KHNYN: variants seen among roughly 807,000 people sequenced by gnomAD.
KHNYN encodes the protein KH and NYN domain containing, also known as protein KHNYN.
KHNYN carries 42 observed loss-of-function variants against 62.7 expected under a neutral mutation model. That is an observed-to-expected ratio of 0.67 (90% CI 0.52 to 0.87). The LOEUF (loss-of-function observed/expected upper bound fraction) is 0.87. Among genes scored for constraint, KHNYN ranks in the 40% least tolerant of loss-of-function variants. The probability of loss-of-function intolerance (pLI) is 0.00; values close to 1 mark genes in which losing one functional copy is unlikely to be tolerated. For synonymous variants in KHNYN, 347 were observed against 345.6 expected, an observed-to-expected ratio of 1.00 and a Z score of -0.04; for missense variants, 829 against 874.1, an observed-to-expected ratio of 0.95 and a Z score of 0.65.
chr14:24,430,062 A>G lies in KHNYN; in HGVS notation c.-75A>G. ...TGTCCCCTGGGCTGGGGGCGCGGGC[A>G]AAGCGGGGGCCTGGCGGGCGCTGAG... On this transcript the variant is annotated 5_prime_UTR_variant, in exon 1 of 8. Transcript: ENST00000553935. 1.0e-6 allele frequency: 1 copy of G among 985,202 alleles called. No homozygotes were observed. The highest frequency in any genetic ancestry group is 1.2e-6 in the Non-Finnish European group (1 of 829,890). 61.0% of individuals were successfully genotyped at this position (985,202 alleles called of 1,614,324 possible). A position where few individuals can be genotyped will look rare whatever the true frequency, so the allele number is the denominator to read the frequency against.
chr14:24,440,907 C>A lies in KHNYN; in HGVS notation c.*3622C>A. 6.2e-7 allele frequency: 1 copy of A among 1,614,050 alleles called. No homozygotes were observed. The highest frequency in any genetic ancestry group is 1.1e-5 in the South Asian group (1 of 91,076). On this transcript the variant is annotated 3_prime_UTR_variant, in exon 8 of 8. Coordinates refer to ENST00000553935, the MANE Select transcript of KHNYN (RefSeq NM_015299.3). ...GGCTGTCTTCATCATACTCCGCAGT[C>A]AGACTGGGCTGGTAGTAAGCTGCCG...
chr14:24,441,518 A>G lies in KHNYN; in HGVS notation c.*4233A>G. On this transcript the variant is annotated 3_prime_UTR_variant, in exon 8 of 8. Coordinates refer to ENST00000553935, the MANE Select transcript of KHNYN (RefSeq NM_015299.3). Reference sequence around the variant, plus strand: ...TTCAGGGTCTCAATTTCTTAGTGAAAGTACACAAAGGTTAGGAGAAACATG... The same window carrying G: ...TTCAGGGTCTCAATTTCTTAGTGAAGGTACACAAAGGTTAGGAGAAACATG... The G allele has an allele frequency of 1.6e-6, 1 of 607,896 alleles. No homozygotes were observed. Among genetic ancestry groups the G allele is most frequent in the Non-Finnish European group, 2.7e-6 (1 of 369,500 alleles). 37.7% of individuals were successfully genotyped at this position (607,896 alleles called of 1,614,324 possible).
rs2043091319 is a variant in KHNYN, at chr14:24,430,722, G to A, written c.-9G>A. The A allele has an allele frequency of 3.9e-6, 6 of 1,555,588 alleles. No homozygotes were observed. Among genetic ancestry groups the A allele is most frequent in the South Asian group, 1.2e-5 (1 of 84,498 alleles). On this transcript the variant is annotated 5_prime_UTR_variant, in exon 2 of 8. Transcript: ENST00000553935. The stretch of plus-strand genomic sequence containing the variant: ...GCCTTCTCCCCTTCCAGGGCTGGGG[G>A]CAGCAGCCATGCCTACCTGGGGGGC...
rs1000260818 is a variant in KHNYN, at chr14:24,439,000, G to A, written c.*1715G>A. ...ACTGTACCATACTGACCCAGGCTGG[G>A]GGCAGGTGTGTTGGAGACAGGCTGG... On this transcript the variant is annotated 3_prime_UTR_variant, in exon 8 of 8. Transcript: ENST00000553935. The A allele has an allele frequency of 2.0e-5, 3 of 150,852 alleles. No individual in the cohort carries two copies. The highest frequency in any genetic ancestry group is 5.0e-5 in the African/African-American group (2 of 40,182). The allele number at this position is 150,852 out of a possible 1,614,324, so 9.3% of individuals were successfully genotyped here. A position where few individuals can be genotyped will look rare whatever the true frequency, so the allele number is the denominator to read the frequency against.
chr14:24,437,030 T>A lies in KHNYN; in HGVS notation c.1788-6T>A. ...CATCAGCTCTTTTTGGTCTGTTTCT[T>A]CCCAGGACACAGGGGTCTTCTAAGG... On this transcript the variant is annotated splice_polypyrimidine_tract_variant and splice_region_variant and intron_variant, in intron 7 of 7. Transcript: ENST00000553935. This position sits in a 1 kb window ranked among gnomAD's most constrained non-coding sequence, Gnocchi z 5.5. The A allele has an allele frequency of 6.2e-7, 1 of 1,611,926 alleles. No individual in the cohort carries two copies. The highest frequency in any genetic ancestry group is 8.5e-7 in the Non-Finnish European group (1 of 1,178,358).
upstream of KHNYN, chr14:24,427,629 A>G (rs1449027080): frequency 1.9e-5 from 14 of 722,282 alleles, no homozygotes; most frequent in Admixed American, 3.1e-4. The surrounding 1 kb of genome is among the most constrained non-coding windows in gnomAD (Gnocchi z 4.4). Flanking sequence ...CCACAGCTCT[A>G]CTCTTCTCTT....
Position 24,432,924 on chromosome 14 carries a change from C to CT in KHNYN, c.1481-7dup, listed in dbSNP as rs1566499268. On this transcript the variant is annotated splice_polypyrimidine_tract_variant and intron_variant, in intron 4 of 7. Transcript: ENST00000553935. The surrounding 1 kb of genome is among the most constrained non-coding windows in gnomAD (Gnocchi z 5.6). ...ACTTTGAGGAGAACCCTATTATGTT[C>CT]TTTTTCAATAGAGAGTCACTTCCTG... 6.2e-7 allele frequency: 1 copy of CT among 1,614,028 alleles called. No homozygotes were observed. The highest frequency in any genetic ancestry group is 1.3e-5 in the African/African-American group (1 of 74,922).
chr14:24,431,497 A>G lies in KHNYN; in HGVS notation c.236A>G (p.Gln79Arg). 1 of 1,594,444 alleles carries G rather than the reference A, an allele frequency of 6.3e-7. No individual in the cohort carries two copies. Among genetic ancestry groups the G allele is most frequent in the Non-Finnish European group, 8.6e-7 (1 of 1,165,274 alleles). The change falls in exon 3 of 8, where the codon CAG becomes CGG. Residue 79 changes from glutamine to arginine, a missense_variant. Physicochemically the swap from Gln to Arg is conservative, Grantham distance 43. Coordinates refer to ENST00000553935, the MANE Select transcript of KHNYN (RefSeq NM_015299.3). ...YLKGLCSPEL[Q>R]DEIHYPPKLH... The stretch of plus-strand genomic sequence containing the variant: ...AAGGGCCTCTGCAGCCCAGAACTGC[A>G]GGATGAAATCCACTACCCGCCCAAA...
At chr14:24,429,666 C>CACGCT, upstream of KHNYN, 1 of 1,115,994 alleles carries the variant, frequency 9.0e-7, no homozygotes, top group Non-Finnish European at 1.1e-6. Flanking sequence ...GTGGGCCAGT[C>CACGCT]ACGCTGCCTC....
At chr14:24,434,467 C>G (rs754523447) in intron 5 of KHNYN, 20 of 690,760 alleles carry the variant, frequency 2.9e-5, no homozygotes, top group South Asian at 6.5e-5. Context: ...TGCAGTGGCA[C>G]GATCTCGGCT....
In KHNYN at chr14:24,431,689, G is replaced by T. The variant is rs1340818911; in HGVS notation, c.428G>T (p.Ser143Ile). 1.2e-6 allele frequency: 2 copies of T among 1,614,060 alleles called. No homozygotes were observed. Among genetic ancestry groups the T allele is most frequent in the African/African-American group, 2.7e-5 (2 of 74,938 alleles). The change falls in exon 3 of 8, where the codon AGC becomes ATC. Residue 143 changes from serine (S) to isoleucine (I), a missense_variant. Physicochemically the swap from Ser to Ile is moderately radical, Grantham distance 142. Coordinates refer to ENST00000553935, the MANE Select transcript of KHNYN (RefSeq NM_015299.3). ...SRVEELAERLSWDFTPGPSSG... is the reference protein window; with the variant it reads ...SRVEELAERLIWDFTPGPSSG... Reference sequence around the variant, plus strand: ...GTAGAAGAGCTGGCAGAGCGGCTGAGCTGGGACTTCACGCCAGGACCATCT... The same window carrying T: ...GTAGAAGAGCTGGCAGAGCGGCTGATCTGGGACTTCACGCCAGGACCATCT...
rs1430164574 is a variant in KHNYN, at chr14:24,437,826, A to T, written c.*541A>T. On this transcript the variant is annotated 3_prime_UTR_variant, in exon 8 of 8. Transcript: ENST00000553935. This position sits in a 1 kb window ranked among gnomAD's most constrained non-coding sequence, Gnocchi z 5.5. ...GGAGACTTGGCTTCTGGTCTCAGCTATGCCTGTTTTGTGACCTTGATTGAG... is the reference window on the plus strand; with the variant it reads ...GGAGACTTGGCTTCTGGTCTCAGCTTTGCCTGTTTTGTGACCTTGATTGAG... 2.1e-5 allele frequency: 3 copies of T among 146,086 alleles called. No homozygotes were observed. The highest frequency in any genetic ancestry group is 4.4e-5 in the Non-Finnish European group (3 of 68,004). The allele number at this position is 146,086 out of a possible 1,614,324, so 9.0% of individuals were successfully genotyped here. A position where few individuals can be genotyped will look rare whatever the true frequency, so the allele number is the denominator to read the frequency against.
chr14:24,430,579 A>C lies in KHNYN; in HGVS notation c.-17-135A>C, dbSNP rs138641611. The C allele has an allele frequency of 1.2e-3, 1,790 of 1,439,174 alleles. 16 individuals are homozygous for C. In the African/African-American group the frequency reaches 0.023, roughly 19 times the overall value. 89.2% of individuals were successfully genotyped at this position (1,439,174 alleles called of 1,614,324 possible). On this transcript the variant is annotated intron_variant, in intron 1 of 7. Coordinates refer to ENST00000553935, the MANE Select transcript of KHNYN (RefSeq NM_015299.3). ...CACCCTCCCTACCTCCAGTGGACTC[A>C]GATGCTTGTCACCTCCTGGGGCTGT...
In KHNYN at chr14:24,432,508, T is replaced by A. The variant is rs1331462904; in HGVS notation, c.1247T>A (p.Phe416Tyr). 5.6e-6 allele frequency: 9 copies of A among 1,613,692 alleles called. No individual in the cohort carries two copies. Among genetic ancestry groups the A allele is most frequent in the Non-Finnish European group, 7.6e-6 (9 of 1,179,970 alleles). Residue 416 changes from phenylalanine (F) to tyrosine (Y), a missense_variant, in exon 3 of 8, where the codon TTC becomes TAC. Phe to Tyr is a conservative substitution (Grantham distance 22, BLOSUM62 3). Transcript: ENST00000553935. This position sits in a 1 kb window ranked among gnomAD's most constrained non-coding sequence, Gnocchi z 5.6. ...AACTTGGTGACTGGCACACAGCGTT[T>A]CAAGGAGGCCCTGCAGGATCCTTTC... ...GGNLVTGTQRFKEALQDPFTL... is the reference protein window; with the variant it reads ...GGNLVTGTQRYKEALQDPFTL...
At position 24,440,431 on chromosome 14, in the gene KHNYN, G is replaced by A; in HGVS notation, c.*3146G>A. 1 of 1,612,668 alleles carries A rather than the reference G, an allele frequency of 6.2e-7. No homozygotes were observed. Among genetic ancestry groups the A allele is most frequent in the Non-Finnish European group, 8.5e-7 (1 of 1,179,334 alleles). On this transcript the variant is annotated 3_prime_UTR_variant, in exon 8 of 8. Coordinates refer to ENST00000553935, the MANE Select transcript of KHNYN (RefSeq NM_015299.3). ...GGCCTGAGCCGATGGGGCCCCCCAG[G>A]CCCAGGCGAAAGGGCAGCAGCATGT...
In KHNYN at chr14:24,432,444, G is replaced by A; in HGVS notation, c.1183G>A (p.Gly395Ser). 2 of 1,613,560 alleles carry A rather than the reference G, an allele frequency of 1.2e-6. No individual in the cohort carries two copies. Among genetic ancestry groups the A allele is most frequent in the Non-Finnish European group, 1.7e-6 (2 of 1,179,882 alleles). ...AGACAAGCAGCAGGGCATGGCACGG[G>A]GTCGGGGGCCTCAATGGAAACGAGG... ...RGDKQQGMAR[G>S]RGPQWKRGAR... is the part of the protein sequence containing the mutation. Residue 395 changes from glycine (G) to serine (S), a missense_variant, in exon 3 of 8, where the codon GGT becomes AGT. Physicochemically the swap from Gly to Ser is moderately conservative, Grantham distance 56. This residue lies in a region of KHNYN where 559 missense variants were observed against 527.0 expected (regional missense o/e 1.06). Coordinates refer to ENST00000553935, the MANE Select transcript of KHNYN (RefSeq NM_015299.3). The surrounding 1 kb of genome is among the most constrained non-coding windows in gnomAD (Gnocchi z 5.6).
chr14:24,429,906 G>A (rs1459467109), upstream of KHNYN: 2 of 1,014,366 alleles, frequency 2.0e-6, no homozygotes, highest in East Asian at 1.1e-4. Flanking sequence ...GCGCAGCCGG[G>A]AGGAGCTGGG....
At position 24,440,451 on chromosome 14, in the gene KHNYN, G is replaced by C; in HGVS notation, c.*3166G>C. 1 of 1,610,816 alleles carries C rather than the reference G, an allele frequency of 6.2e-7. No homozygotes were observed. The highest frequency in any genetic ancestry group is 1.6e-4 in the Middle Eastern group (1 of 6,062). On this transcript the variant is annotated 3_prime_UTR_variant, in exon 8 of 8. Coordinates refer to ENST00000553935, the MANE Select transcript of KHNYN (RefSeq NM_015299.3). Reference sequence around the variant, plus strand: ...CCCAGGCCCAGGCGAAAGGGCAGCAGCATGTGGCCCATGGCACCACCCCCA... The same window carrying C: ...CCCAGGCCCAGGCGAAAGGGCAGCACCATGTGGCCCATGGCACCACCCCCA...
Position 24,430,725 on chromosome 14 carries a change from G to A in KHNYN, c.-6G>A, listed in dbSNP as rs1277425450. 3 of 1,556,968 alleles carry A rather than the reference G, an allele frequency of 1.9e-6. No homozygotes were observed. The highest frequency in any genetic ancestry group is 2.6e-6 in the Non-Finnish European group (3 of 1,150,172). ...TTCTCCCCTTCCAGGGCTGGGGGCAGCAGCCATGCCTACCTGGGGGGCCCG... is the reference window on the plus strand; with the variant it reads ...TTCTCCCCTTCCAGGGCTGGGGGCAACAGCCATGCCTACCTGGGGGGCCCG... On this transcript the variant is annotated 5_prime_UTR_variant, in exon 2 of 8. Transcript: ENST00000553935.
Sources: gnomAD v4.1 joint callset for allele counts on GRCh38, gnomAD v4.1.1 for gene constraint, gnomAD v4.1.1 regional missense constraint, Gnocchi (gnomAD v3.1) non-coding constraint, MANE v1.5 for transcripts, NCBI Gene and HGNC (gene_info 2026-07-23, HGNC 2026-07-21) for gene names.